Variants in TP53I13 observed in about 807,000 individuals in gnomAD.
The protein encoded by TP53I13 is tumor protein p53-inducible protein 13.
A neutral mutation model predicts 39.1 loss-of-function variants in TP53I13; 27 were observed. The ratio of observed to expected loss-of-function variants is 0.69; its 90% CI spans 0.51 to 0.95. TP53I13 has a LOEUF of 0.95. Ranked by LOEUF, TP53I13 falls within the 40% of genes least tolerant of loss-of-function variation. The pLI, the probability that TP53I13 is intolerant of heterozygous loss-of-function variation, is 0.00. For missense variants in TP53I13, 544 were observed against 520.4 expected (o/e 1.05, Z -0.44); for synonymous variants, 230 against 224.6 (o/e 1.02, Z -0.22).
rs1039537586 is a variant in TP53I13, at chr17:29,572,532, G to T, written c.904G>T (p.Gly302Cys). Residue 302 changes from glycine (G) to cysteine (C), a missense_variant, in exon 6 of 7, where the codon GGC becomes TGC. Gly to Cys is a radical substitution (Grantham distance 159, BLOSUM62 -3). Transcript: ENST00000301057. The part of the protein sequence containing the change: ...RAAAPPRAAR[G>C]PTPRTEEAAW... ...AGCAGCGCCTCCACGGGCAGCCCGG[G>T]GCCCCACCCCACGCACTGAAGAGGC... 3.7e-6 allele frequency: 6 copies of T among 1,608,294 alleles called. No individual in the cohort carries two copies. The highest frequency in any genetic ancestry group is 5.1e-6 in the Non-Finnish European group (6 of 1,178,086).
the TP53I13 span, among the ~76,000 whole-genome samples, chr17:29,580,520 G>GGTGA: frequency 6.6e-6 from 1 of 152,198 alleles, no homozygotes; most frequent in Non-Finnish European, 1.5e-5. Flanking sequence ...TTATGTGCTG[G>GGTGA]GTGAGTGGCA....
chr17:29,581,551 CACCCCCACTCCCTA>C, the TP53I13 span: 4 of 703,384 alleles, frequency 5.7e-6, no homozygotes, highest in Non-Finnish European at 1.0e-5. The surrounding 1 kb of genome is among the most constrained non-coding windows in gnomAD (Gnocchi z 4.8). Flanking sequence ...GCAGGATGCC[CACCCCCACTCCCTA>C]GCCCCAGCGA....
In TP53I13 at chr17:29,572,912, G is replaced by C. The variant is rs2150811879; in HGVS notation, c.1170G>C (p.Glu390Asp). The change falls in exon 7 of 7, where the codon GAG becomes GAC. Residue 390 changes from glutamate (E) to aspartate (D), a missense_variant. By Grantham distance (45) the Glu-to-Asp change is conservative. Coordinates refer to ENST00000301057, the MANE Select transcript of TP53I13 (RefSeq NM_138349.4). ...PPTPDSGPEGESSE is the reference protein window; with the variant it reads ...PPTPDSGPEGDSSE Reference sequence around the variant, plus strand: ...CGCCGGACAGCGGCCCGGAAGGCGAGAGCTCGGAGTGACGGCCTGGGACCT... The same window carrying C: ...CGCCGGACAGCGGCCCGGAAGGCGACAGCTCGGAGTGACGGCCTGGGACCT... 2 of 1,500,996 alleles carry C rather than the reference G, an allele frequency of 1.3e-6. No individual in the cohort carries two copies. The highest frequency in any genetic ancestry group is 5.2e-5 in the East Asian group (2 of 38,194). The allele number at this position is 1,500,996 out of a possible 1,614,324, so 93.0% of individuals were successfully genotyped here.
chr17:29,571,541 C>G (rs765070904), intron 3 of TP53I13, 50 bp from the exon 4 acceptor site: 5 of 1,605,064 alleles, frequency 3.1e-6, no homozygotes, highest in Non-Finnish European at 4.2e-6. Flanking sequence ...ACTTGAGATT[C>G]TCTGGGAGGG....
At chr17:29,578,673 G>C in the TP53I13 span, 1 of 1,421,368 alleles carries the variant, frequency 7.0e-7, no homozygotes, top group Non-Finnish European at 1.0e-6. Context: ...AGAGCAGAGG[G>C]TGGGGGATCA....
At chr17:29,577,335 T>A, downstream of TP53I13, 2 of 1,015,162 alleles carry the variant, frequency 2.0e-6, no homozygotes, top group Non-Finnish European at 3.0e-6. Context: ...GGCATGGCTC[T>A]GCCATTTAAT....
chr17:29,568,739 C>A lies in TP53I13; in HGVS notation c.-20C>A. 5 of 1,503,528 alleles carry A rather than the reference C, an allele frequency of 3.3e-6. No homozygotes were observed. The highest frequency in any genetic ancestry group is 2.5e-5 in the South Asian group (2 of 81,068). The allele number at this position is 1,503,528 out of a possible 1,614,324, so 93.1% of individuals were successfully genotyped here. ...CTGGCGGAGCGGCTGGGCGGCGGGC[C>A]GGGCCCGGGGCCGCTTGGAATGGCG... On this transcript the variant is annotated 5_prime_UTR_variant, in exon 1 of 7. Transcript: ENST00000301057. The surrounding 1 kb of genome is among the most constrained non-coding windows in gnomAD (Gnocchi z 4.5).
downstream of TP53I13, chr17:29,575,281 T>A: frequency 6.2e-7 from 1 of 1,607,362 alleles, no homozygotes; most frequent in Non-Finnish European, 8.5e-7. This position sits in a 1 kb window ranked among gnomAD's most constrained non-coding sequence, Gnocchi z 5.5. Flanking sequence ...CCCCCTCCAC[T>A]CAGTACCTGT....
upstream of TP53I13, chr17:29,566,662 G>A: frequency 6.2e-7 from 1 of 1,601,810 alleles, no homozygotes; most frequent in East Asian, 2.2e-5. Flanking sequence ...GTGGGGCCCG[G>A]AGAACCAGGA....
downstream of TP53I13, chr17:29,576,879 C>T (rs1347707615): frequency 3.8e-6 from 6 of 1,574,394 alleles, no homozygotes; most frequent in East Asian, 2.3e-5. Flanking sequence ...CCGGTTGCTC[C>T]GAGTGGCGCC....
chr17:29,567,456 G>GGGC (rs2032749997), upstream of TP53I13: 1 of 151,864 alleles, frequency 6.6e-6, no homozygotes, highest in Non-Finnish European at 1.5e-5. This position sits in a 1 kb window ranked among gnomAD's most constrained non-coding sequence, Gnocchi z 6.6. Context: ...GGACCCCGTG[G>GGGC]GGCGGCGGCC....
chr17:29,569,299 G>T lies in TP53I13; in HGVS notation c.142-19G>T. On this transcript the variant is annotated intron_variant, in intron 2 of 6. Coordinates refer to ENST00000301057, the MANE Select transcript of TP53I13 (RefSeq NM_138349.4). ...GAGTCCCCCAACTGCCCTAAGCTCT[G>T]TTCTTTCCCCATGTATAGGTGTCAC... The T allele has an allele frequency of 4.3e-6, 7 of 1,613,688 alleles. No individual in the cohort carries two copies. The highest frequency in any genetic ancestry group is 5.9e-6 in the Non-Finnish European group (7 of 1,179,808).
the TP53I13 span, chr17:29,580,910 A>G: frequency 5.0e-6 from 1 of 199,714 alleles, no homozygotes; most frequent in Non-Finnish European, 1.1e-5. Context: ...CCTCCCGAGT[A>G]GCTGAGATAC....
downstream of TP53I13, chr17:29,575,762 GCCCACACGGCCCCCAGCCA>G: frequency 6.3e-7 from 1 of 1,597,608 alleles, no homozygotes; most frequent in Non-Finnish European, 8.5e-7. The surrounding 1 kb of genome is among the most constrained non-coding windows in gnomAD (Gnocchi z 5.5). Context: ...ACTGCCCCTA[GCCCACACGGCCCCCAGCCA>G]CCCTGTGGGC....
Position 29,572,795 on chromosome 17 carries a change from C to T in TP53I13, c.1070-17C>T. 2.0e-6 allele frequency: 3 copies of T among 1,529,162 alleles called. No individual in the cohort carries two copies. Among genetic ancestry groups the T allele is most frequent in the South Asian group, 1.2e-5 (1 of 82,818 alleles). The allele number at this position is 1,529,162 out of a possible 1,614,324, so 94.7% of individuals were successfully genotyped here. Reference sequence around the variant, plus strand: ...CCCTGCCCTCCCGCCCTTGACTGCTCGGCGCCCGGCCCACAGCTGTGCTGA... The same window carrying T: ...CCCTGCCCTCCCGCCCTTGACTGCTTGGCGCCCGGCCCACAGCTGTGCTGA... On this transcript the variant is annotated splice_polypyrimidine_tract_variant and intron_variant, in intron 6 of 6. Transcript: ENST00000301057.
chr17:29,581,850 G>A, the TP53I13 span: 9 of 1,610,954 alleles, frequency 5.6e-6, no homozygotes, highest in Admixed American at 8.3e-5. This position sits in a 1 kb window ranked among gnomAD's most constrained non-coding sequence, Gnocchi z 4.8. Context: ...TGAGGAGGGG[G>A]TATGGCTCAG....
downstream of TP53I13, among the ~76,000 whole-genome samples, chr17:29,578,117 C>T (rs910432149): frequency 1.5e-4 from 23 of 152,312 alleles, no homozygotes; most frequent in African/African-American, 5.1e-4. Context: ...AGCCGCCTCC[C>T]CCTCAGCACT....
chr17:29,571,974 A>C lies in TP53I13; in HGVS notation c.430A>C (p.Ile144Leu), dbSNP rs189157424. The C allele has an allele frequency of 3.6e-5, 58 of 1,613,102 alleles. No individual in the cohort carries two copies. The East Asian group carries it at 1.2e-3, about 32-fold the overall frequency. Residue 144 changes from isoleucine to leucine, a missense_variant, in exon 5 of 7, where the codon ATC becomes CTC. Ile to Leu is a conservative substitution (Grantham distance 5). Transcript: ENST00000301057. Reference protein sequence around the residue: ...RRKQRKKKAWIYCESLSGPAP... With the variant: ...RRKQRKKKAWLYCESLSGPAP... ...GAAGCAGAGGAAGAAGAAGGCATGGATCTACTGTGAAAGCCTTTCAGGGCC... is the reference window on the plus strand; with the variant it reads ...GAAGCAGAGGAAGAAGAAGGCATGGCTCTACTGTGAAAGCCTTTCAGGGCC...
chr17:29,566,968 G>A (rs1020087254), upstream of TP53I13: 10 of 1,367,586 alleles, frequency 7.3e-6, no homozygotes, highest in African/African-American at 1.4e-4. Flanking sequence ...CGGCGGCATG[G>A]CGAAGCTGGA....
Sources: gnomAD v4.1 joint callset for allele counts (sites outside exome capture counted in the v4.1 genomes callset) on GRCh38, gnomAD v4.1.1 for gene constraint, Gnocchi (gnomAD v3.1) non-coding constraint, MANE v1.5 for transcripts, NCBI Gene and HGNC (gene_info 2026-07-23, HGNC 2026-07-21) for gene names.